PRORP: variants seen among roughly 807,000 people sequenced by gnomAD.
PRORP encodes protein only RNase P catalytic subunit, also known as mitochondrial ribonuclease P catalytic subunit.
In PRORP, 51 loss-of-function variants were observed where a neutral mutation model predicts 59.4. The ratio of observed to expected loss-of-function variants is 0.86; its 90% CI spans 0.69 to 1.08. The LOEUF is 1.08. Among genes scored for constraint, PRORP ranks in the 50% least tolerant of loss-of-function variants. The pLI, the probability that PRORP is intolerant of heterozygous loss-of-function variation, is 0.00. For missense variants in PRORP, 646 were observed against 690.3 expected (o/e 0.94, Z 0.72); for synonymous variants, 231 against 245.6 (o/e 0.94, Z 0.55).
intron 5 of PRORP, among the ~76,000 whole-genome samples, chr14:35,190,798 C>T (rs1205385687): frequency 3.3e-5 from 5 of 152,126 alleles, no homozygotes; most frequent in Admixed American, 2.6e-4. Context: ...CCACCGCACC[C>T]GGCTGACTGT....
At chr14:35,213,701 G>GA (rs2049511903) in intron 5 of PRORP, among the ~76,000 whole-genome samples, 1 of 152,218 alleles carries the variant, frequency 6.6e-6, no homozygotes, top group African/African-American at 2.4e-5. Flanking sequence ...AAGAACAGCT[G>GA]ATGGGTGGAG....
At chr14:35,179,140 G>A (rs1438011909) in intron 4 of PRORP, among the ~76,000 whole-genome samples, 2 of 152,146 alleles carry the variant, frequency 1.3e-5, no homozygotes, top group Non-Finnish European at 2.9e-5. Flanking sequence ...CCCTTTCTGG[G>A]GAACCTGACC....
chr14:35,154,183 G>A (rs2047853941), intron 4 of PRORP, among the ~76,000 whole-genome samples: 1 of 152,202 alleles, frequency 6.6e-6, no homozygotes, highest in Admixed American at 6.5e-5. Flanking sequence ...GAACAGAGAT[G>A]AGAGTGGAGC....
At chr14:35,235,381 G>C in intron 5 of PRORP, 1 of 700,402 alleles carries the variant, frequency 1.4e-6, no homozygotes, top group Admixed American at 1.8e-5. Context: ...CAGTGGTGCA[G>C]GTCTTCCTGT....
rs1283713701 is a variant in PRORP at position 35,160,343 on chromosome 14, G to A, written c.1168-20327G>A. Among the ~76,000 whole-genome samples the A allele has an allele frequency of 3.3e-5, 5 of 152,088 alleles. No individual in the cohort carries two copies. In the East Asian group the frequency reaches 7.7e-4, roughly 23 times the overall value. Reference sequence around the variant, plus strand: ...CTTTCCACTTGGATAACTTTCACAGGCTACTCTGTTACTACTGCAGTGCAC... The same window carrying A: ...CTTTCCACTTGGATAACTTTCACAGACTACTCTGTTACTACTGCAGTGCAC... On this transcript the variant is annotated intron_variant, in intron 4 of 7. Transcript: ENST00000534898.
At chr14:35,174,963 A>G (rs138176962) in intron 4 of PRORP, among the ~76,000 whole-genome samples, 27,285 of 141,490 alleles carry the variant, frequency 0.19, 2,737 homozygotes, top group Admixed American at 0.29. Flanking sequence ...TCATTGTTCA[A>G]TTCGCACTTA....
chr14:35,190,023 C>T (rs567025357), intron 5 of PRORP, among the ~76,000 whole-genome samples: 3 of 151,654 alleles, frequency 2.0e-5, no homozygotes, highest in South Asian at 4.2e-4. Flanking sequence ...GCAGGAGAAT[C>T]GCTTGAACCC....
chr14:35,170,264 T>C (rs1287712904), intron 4 of PRORP, among the ~76,000 whole-genome samples: 2 of 152,220 alleles, frequency 1.3e-5, no homozygotes, highest in Non-Finnish European at 2.9e-5. Flanking sequence ...GCTATTTGTC[T>C]TCTATTTATC....
chr14:35,232,443 C>A (rs966691299), intron 5 of PRORP, among the ~76,000 whole-genome samples: 1 of 152,092 alleles, frequency 6.6e-6, no homozygotes, highest in Non-Finnish European at 1.5e-5. Context: ...AACTCCTGGC[C>A]TCAAGCAGTT....
At chr14:35,193,464 A>G (rs2048933950) in intron 5 of PRORP, among the ~76,000 whole-genome samples, 1 of 152,174 alleles carries the variant, frequency 6.6e-6, no homozygotes, top group Non-Finnish European at 1.5e-5. Flanking sequence ...ATTAAAGGTC[A>G]TTTGGTAAAG....
At chr14:35,224,578 A>G (rs1237214191) in intron 5 of PRORP, among the ~76,000 whole-genome samples, 2 of 152,242 alleles carry the variant, frequency 1.3e-5, no homozygotes, top group Non-Finnish European at 2.9e-5. Flanking sequence ...TCTATGCCTT[A>G]AACACTAATT....
rs372774463 is a variant in PRORP at position 35,265,994 on chromosome 14, C to T, written c.1276-733C>T. On this transcript the variant is annotated intron_variant, in intron 5 of 7. Transcript: ENST00000534898. Reference sequence around the variant, plus strand: ...AGTTCAAGACCAGCCTGGGCAGGATCGTGAGATCCCATCTCTACCAAAAAA... The same window carrying T: ...AGTTCAAGACCAGCCTGGGCAGGATTGTGAGATCCCATCTCTACCAAAAAA... Among the ~76,000 whole-genome samples the T allele has an allele frequency of 3.4e-3, 464 of 138,384 alleles. 5 individuals are homozygous for T. Among genetic ancestry groups the T allele is most frequent in the Non-Finnish European group, 5.5e-3 (360 of 65,588 alleles). The allele number at this position is 138,384 out of a possible 152,430, so 90.8% of individuals were successfully genotyped here.
At chr14:35,180,615 T>C in intron 4 of PRORP, 55 bp from the exon 5 acceptor site, 1 of 1,082,238 alleles carries the variant, frequency 9.2e-7, no homozygotes, top group Non-Finnish European at 1.4e-6. Flanking sequence ...AGTGTGTTTA[T>C]AATAAAGTCC....
chr14:35,257,848 A>G (rs1175609055), intron 5 of PRORP, among the ~76,000 whole-genome samples: 1 of 152,218 alleles, frequency 6.6e-6, no homozygotes, highest in Non-Finnish European at 1.5e-5. Flanking sequence ...GCACAGGGAA[A>G]GGAAGTTAAC....
intron 7 of PRORP, among the ~76,000 whole-genome samples, chr14:35,272,585 T>G (rs2051221118): frequency 6.6e-6 from 1 of 152,220 alleles, no homozygotes; most frequent in Non-Finnish European, 1.5e-5. Context: ...GTATTGATCT[T>G]ACATTTATAA....
At chr14:35,216,185 G>T (rs1242721726) in intron 5 of PRORP, among the ~76,000 whole-genome samples, 2 of 118,356 alleles carry the variant, frequency 1.7e-5, no homozygotes, top group African/African-American at 2.9e-5. Context: ...GAGAGAGATA[G>T]TTTTAACATT....
rs990763729 is a variant in PRORP at position 35,270,616 on chromosome 14, A to T, written c.1620+20A>T. ...TTTCAGGTAATGGTACCTGTTCTTTATGTAATATTAACAGAGTCAAGTATA... is the reference window on the plus strand; with the variant it reads ...TTTCAGGTAATGGTACCTGTTCTTTTTGTAATATTAACAGAGTCAAGTATA... On this transcript the variant is annotated intron_variant, in intron 7 of 7. Coordinates refer to ENST00000534898, the MANE Select transcript of PRORP (RefSeq NM_014672.4). 6.3e-7 allele frequency: 1 copy of T among 1,597,158 alleles called. No homozygotes were observed. The highest frequency in any genetic ancestry group is 8.6e-7 in the Non-Finnish European group (1 of 1,165,002).
At chr14:35,230,242 G>A (rs527481516) in intron 5 of PRORP, among the ~76,000 whole-genome samples, 2 of 151,880 alleles carry the variant, frequency 1.3e-5, no homozygotes, top group Non-Finnish European at 2.9e-5. Context: ...TAGTAGAAAC[G>A]GGTTTCGCCA....
intron 5 of PRORP, chr14:35,222,043 T>C (rs1261713497): frequency 6.6e-6 from 1 of 152,204 alleles, no homozygotes; most frequent in Non-Finnish European, 1.5e-5. Context: ...ACCTTGAAGA[T>C]TTATTTTTAG....
Sources: allele counts gnomAD v4.1 joint callset (sites outside exome capture counted in the v4.1 genomes callset), GRCh38; gene constraint gnomAD v4.1.1; transcripts MANE v1.5; gene names NCBI Gene and HGNC (gene_info 2026-07-23, HGNC 2026-07-21).